The following HTR3A variants were observed in gnomAD, a reference collection of about 807,000 sequenced individuals.
HTR3A encodes the protein 5-hydroxytryptamine receptor 3A, also known as 5-hydroxytryptamine (serotonin) receptor 3A, ionotropic.
A neutral mutation model predicts 54.8 loss-of-function variants in HTR3A; 45 were observed. That is an observed-to-expected ratio of 0.82 (90% CI 0.65 to 1.05). The LOEUF (loss-of-function observed/expected upper bound fraction) is 1.05, where lower values mean the gene tolerates loss of function less well. Among genes scored for constraint, HTR3A ranks in the 50% least tolerant of loss-of-function variants. The probability of loss-of-function intolerance (pLI) is 0.00; values close to 1 mark genes in which losing one functional copy is unlikely to be tolerated. For missense variants in HTR3A, 657 were observed against 614.0 expected (o/e 1.07, Z -0.74); for synonymous variants, 297 against 256.0 (o/e 1.16, Z -1.53).
In HTR3A at chr11:113,986,139, G is replaced by C. The variant is rs891459757; in HGVS notation, c.669G>C (p.Met223Ile). Residue 223 changes from methionine to isoleucine, a missense_variant, in exon 6 of 9, where the codon ATG (methionine) becomes ATC (isoleucine). Transcript: ENST00000504030. ...TGCCCTACTTTCGGGAGTTCAGCAT[G>C]GAAAGCAGTAACTACTATGCAGAAA... ...GVLPYFREFS[M>I]ESSNYYAEMK... 6.2e-7 allele frequency: 1 copy of C among 1,614,092 alleles called. No homozygotes were observed. Among genetic ancestry groups the C allele is most frequent in the Non-Finnish European group, 8.5e-7 (1 of 1,180,052 alleles).
chr11:113,978,307 A>C (rs1249591234), intron 2 of HTR3A, among the ~76,000 whole-genome samples: 1 of 152,236 alleles, frequency 6.6e-6, no homozygotes, highest in Non-Finnish European at 1.5e-5. Context: ...TTGTTGAAGA[A>C]TCAGCCAACA....
chr11:113,981,174 G>C, intron 3 of HTR3A, 29 bp from the exon 4 acceptor site: 1 of 1,403,988 alleles, frequency 7.1e-7, no homozygotes, highest in Non-Finnish European at 1.0e-6. Flanking sequence ...GGAGGGGGCT[G>C]CCTGTGACCA....
At chr11:113,975,733 G>A (rs1345170283) in intron 1 of HTR3A, among the ~76,000 whole-genome samples, 1 of 152,154 alleles carries the variant, frequency 6.6e-6, no homozygotes, top group Non-Finnish European at 1.5e-5. Context: ...AAGCTGCAAG[G>A]GACCTTAGAA....
At chr11:113,981,344 G>A (rs369716906) in intron 4 of HTR3A, 32 bp downstream of exon 4, 1 of 1,404,950 alleles carries the variant, frequency 7.1e-7, no homozygotes, top group Non-Finnish European at 1.0e-6. Flanking sequence ...GAGGTGGCTG[G>A]GTGGCTTAGG....
At chr11:113,975,501 A>C in intron 1 of HTR3A, 109 bp downstream of exon 1, 2 of 873,380 alleles carry the variant, frequency 2.3e-6, no homozygotes, top group Non-Finnish European at 3.7e-6. Flanking sequence ...GGAACAGTGC[A>C]GCTGCAGGAA....
rs749391887 is a variant in HTR3A, at chr11:113,977,762, C to T, written c.68-9C>T. 6.2e-7 allele frequency: 1 copy of T among 1,613,842 alleles called. No homozygotes were observed. On this transcript the variant is annotated splice_polypyrimidine_tract_variant and intron_variant, in intron 1 of 8. Transcript: ENST00000504030. Reference sequence around the variant, plus strand: ...GCTGGTGTCTACTTTGAACTGTTCTCCTTCCCAGCCAGGAGGAGCCGAAAC... The same window carrying T: ...GCTGGTGTCTACTTTGAACTGTTCTTCTTCCCAGCCAGGAGGAGCCGAAAC...
intron 8 of HTR3A, 142 bp downstream of exon 8, chr11:113,987,188 C>A: frequency 2.4e-6 from 2 of 824,520 alleles, no homozygotes; most frequent in Non-Finnish European, 4.0e-6. Flanking sequence ...GGGGTGGGGG[C>A]AGCCTTCAGC....
rs1397840542 is a variant in HTR3A, at chr11:113,989,046, T to C, written c.1139-419T>C. On this transcript the variant is annotated intron_variant, in intron 8 of 8. Transcript: ENST00000504030. This position sits in a 1 kb window ranked among gnomAD's most constrained non-coding sequence, Gnocchi z 4.4. ...GTGGATTTGCAGGTATGTAAGTTAC[T>C]CTTTATACTTTTTATGTCTAAAGTT... Among the ~76,000 whole-genome samples the C allele has an allele frequency of 6.6e-6, 1 of 152,070 alleles. No homozygotes were observed. The highest frequency in any genetic ancestry group is 1.5e-5 in the Non-Finnish European group (1 of 68,014).
At position 113,989,897 on chromosome 11, in the gene HTR3A, C is replaced by T. The variant is rs1460673048; in HGVS notation, c.*134C>T. The T allele has an allele frequency of 6.0e-6, 6 of 1,000,672 alleles. No individual in the cohort carries two copies. The East Asian group carries it at 1.5e-4, about 25-fold the overall frequency. The allele number at this position is 1,000,672 out of a possible 1,614,324, so 62.0% of individuals were successfully genotyped here. A position where few individuals can be genotyped will look rare whatever the true frequency, so the allele number is the denominator to read the frequency against. On this transcript the variant is annotated 3_prime_UTR_variant, in exon 9 of 9. Coordinates refer to ENST00000504030, the MANE Select transcript of HTR3A (RefSeq NM_000869.6). This position sits in a 1 kb window ranked among gnomAD's most constrained non-coding sequence, Gnocchi z 4.4. ...ACAGACAAAGTCCCGTGCCCTGTTT[C>T]CAATGCCAATTCATCTCAGCAATCA...
intron 1 of HTR3A, among the ~76,000 whole-genome samples, chr11:113,977,249 C>T (rs1429334002): frequency 6.6e-6 from 1 of 152,184 alleles, no homozygotes; most frequent in African/African-American, 2.4e-5. Flanking sequence ...TTCCTTCTTT[C>T]TTTACCTGTT....
Position 113,989,664 on chromosome 11 carries a change from C to A in HTR3A, c.1338C>A (p.Gly446=). The A allele has an allele frequency of 1.2e-6, 2 of 1,614,180 alleles. No individual in the cohort carries two copies. Among genetic ancestry groups the A allele is most frequent in the East Asian group, 2.2e-5 (1 of 44,880 alleles). Residue 446 remains glycine, a synonymous_variant, in exon 9 of 9, where the codon GGC becomes GGA. Coordinates refer to ENST00000504030, the MANE Select transcript of HTR3A (RefSeq NM_000869.6). The surrounding 1 kb of genome is among the most constrained non-coding windows in gnomAD (Gnocchi z 4.4). ...REVARDWLRV[G]SVLDKLLFHI... ...TGGCCCGAGACTGGCTGCGCGTGGG[C>A]TCCGTGCTGGACAAGCTGCTATTCC...
intron 3 of HTR3A, among the ~76,000 whole-genome samples, chr11:113,980,312 C>T (rs1565579394): frequency 3.3e-5 from 5 of 152,322 alleles, no homozygotes; most frequent in Non-Finnish European, 5.9e-5. Context: ...CGAACTAGAT[C>T]GAGGCCCTGC....
Position 113,983,203 on chromosome 11 carries a change from T to C in HTR3A, c.458T>C (p.Val153Ala), listed in dbSNP as rs1229893731. The C allele has an allele frequency of 1.9e-6, 3 of 1,614,084 alleles. No individual in the cohort carries two copies. The highest frequency in any genetic ancestry group is 2.5e-6 in the Non-Finnish European group (3 of 1,180,038). Residue 153 changes from valine to alanine, a missense_variant, in exon 5 of 9, where the codon GTG becomes GCG. Coordinates refer to ENST00000504030, the MANE Select transcript of HTR3A (RefSeq NM_000869.6). ...GTTCAGAACTACAAGCCCCTTCAGG[T>C]GGTGACTGCCTGTAGCCTCGACATC... The part of the protein sequence containing the change: ...GEVQNYKPLQ[V>A]VTACSLDIYN...
Position 113,986,720 on chromosome 11 carries a change from C to T in HTR3A, c.908C>T (p.Pro303Leu). Residue 303 changes from proline to leucine, a missense_variant, in exon 7 of 9, where the codon CCT (proline) becomes CTT (leucine). Physicochemically the swap from Pro to Leu is moderately conservative, Grantham distance 98. Transcript: ENST00000504030. ...DTLPATAIGTPLIGVYFVVCM... is the reference protein window; with the variant it reads ...DTLPATAIGTLLIGVYFVVCM... Reference sequence around the variant, plus strand: ...CTGCCGGCCACTGCCATCGGCACTCCTCTCATTGGTAAGGCCCCTCCTGGC... The same window carrying T: ...CTGCCGGCCACTGCCATCGGCACTCTTCTCATTGGTAAGGCCCCTCCTGGC... The T allele has an allele frequency of 6.2e-7, 1 of 1,614,184 alleles. No individual in the cohort carries two copies. The highest frequency in any genetic ancestry group is 1.3e-5 in the African/African-American group (1 of 75,052).
chr11:113,977,966 G>A (rs768540689), intron 2 of HTR3A, 44 bp downstream of exon 2: 26 of 1,612,182 alleles, frequency 1.6e-5, no homozygotes, highest in South Asian at 3.3e-5. Flanking sequence ...CCTTTTGGGG[G>A]TGGGAGAAGG....
rs760169819 is a variant in HTR3A at position 113,990,308 on chromosome 11, C to A, written c.*545C>A. ...TGGGAAGAATAAAATGCAGTGAAAC[C>A]CTAAACTCTCTTCTTTTTTTTTTCT... On this transcript the variant is annotated 3_prime_UTR_variant, in exon 9 of 9. Transcript: ENST00000504030. 5.7e-6 allele frequency: 2 copies of A among 349,942 alleles called. No individual in the cohort carries two copies. The highest frequency in any genetic ancestry group is 2.3e-5 in the South Asian group (1 of 44,444). 21.7% of individuals were successfully genotyped at this position (349,942 alleles called of 1,614,324 possible). A position where few individuals can be genotyped will look rare whatever the true frequency, so the allele number is the denominator to read the frequency against.
Position 113,986,029 on chromosome 11 carries a change from A to T in HTR3A, c.559A>T (p.Ile187Phe), listed in dbSNP as rs547316723. The T allele has an allele frequency of 1.2e-6, 2 of 1,614,140 alleles. No homozygotes were observed. The highest frequency in any genetic ancestry group is 4.5e-5 in the East Asian group (2 of 44,870). The change falls in exon 6 of 9, where the codon ATC becomes TTC. Residue 187 changes from isoleucine (I) to phenylalanine (F), a missense_variant. Ile to Phe is a conservative substitution (Grantham distance 21). Coordinates refer to ENST00000504030, the MANE Select transcript of HTR3A (RefSeq NM_000869.6). ...SWLHTIQDINISLWRLPEKVK... is the reference protein window; with the variant it reads ...SWLHTIQDINFSLWRLPEKVK... ...TTCTCTCTCAGTCCAGGACATCAAC[A>T]TCTCTTTGTGGCGCTTGCCAGAAAA...
intron 3 of HTR3A, chr11:113,980,937 G>C (rs1001184276): frequency 2.0e-6 from 1 of 489,084 alleles, no homozygotes; most frequent in Non-Finnish European, 3.7e-6. Context: ...GGCGGAGGGG[G>C]AACTCACAGC....
Position 113,985,998 on chromosome 11 carries a change from G to T in HTR3A, c.545-17G>T, listed in dbSNP as rs527468113. 4.3e-6 allele frequency: 7 copies of T among 1,614,078 alleles called. No individual in the cohort carries two copies. Among genetic ancestry groups the T allele is most frequent in the Middle Eastern group, 1.7e-4 (1 of 6,060 alleles). ...GGGTACTAGATTCCAAAGCTGGCTTGCTTTATTCTCTCTCAGTCCAGGACA... is the reference window on the plus strand; with the variant it reads ...GGGTACTAGATTCCAAAGCTGGCTTTCTTTATTCTCTCTCAGTCCAGGACA... On this transcript the variant is annotated splice_polypyrimidine_tract_variant and intron_variant, in intron 5 of 8. Transcript: ENST00000504030.
Sources: allele counts gnomAD v4.1 joint callset (sites outside exome capture counted in the v4.1 genomes callset), GRCh38; gene constraint gnomAD v4.1.1; non-coding constraint Gnocchi (gnomAD v3.1); transcripts MANE v1.5; gene names NCBI Gene and HGNC (gene_info 2026-07-23, HGNC 2026-07-21).